Variants in CYP39A1 observed in about 807,000 individuals in gnomAD.
The protein encoded by CYP39A1 is 24-hydroxycholesterol 7-alpha-hydroxylase.
Under a neutral mutation model 58.1 loss-of-function variants are expected in CYP39A1, and 49 were observed. The observed-to-expected ratio is 0.84, with a 90% confidence interval of 0.67 to 1.07. The LOEUF is 1.07. Among genes scored for constraint, CYP39A1 ranks in the 50% least tolerant of loss-of-function variants. CYP39A1 has a pLI of 0.00. For missense variants in CYP39A1, 531 were observed against 539.4 expected, an observed-to-expected ratio of 0.98 and a Z score of 0.16; for synonymous variants, 209 against 187.6, an observed-to-expected ratio of 1.11 and a Z score of -0.93.
chr6:46,630,448 G>A (rs964322757), intron 6 of CYP39A1, among the ~76,000 whole-genome samples: 2 of 151,942 alleles, frequency 1.3e-5, no homozygotes, highest in Non-Finnish European at 2.9e-5. Context: ...CCCTTATTAG[G>A]TAAAATAGTA....
At chr6:46,568,328 T>C (rs1771403609) in intron 10 of CYP39A1, among the ~76,000 whole-genome samples, 1 of 152,134 alleles carries the variant, frequency 6.6e-6, no homozygotes, top group Non-Finnish European at 1.5e-5. Flanking sequence ...AATTTGCAAA[T>C]ATTTTATCCC....
intron 7 of CYP39A1, among the ~76,000 whole-genome samples, chr6:46,608,527 CT>C (rs1773984872): frequency 6.6e-6 from 1 of 151,946 alleles, no homozygotes; most frequent in Non-Finnish European, 1.5e-5. Flanking sequence ...AATTATATAT[CT>C]ATTTTTTAAT....
intron 10 of CYP39A1, among the ~76,000 whole-genome samples, chr6:46,572,183 G>A (rs1056390818): frequency 3.3e-5 from 4 of 121,092 alleles, no homozygotes; most frequent in East Asian, 4.2e-4. Context: ...TTTTTTTCGG[G>A]AGTTAAAAAC....
chr6:46,594,974 C>CA (rs1056371965), intron 8 of CYP39A1, among the ~76,000 whole-genome samples: 8 of 151,006 alleles, frequency 5.3e-5, no homozygotes, highest in Non-Finnish European at 7.4e-5. Flanking sequence ...AAAACAAAAA[C>CA]AAAAAAAATG....
At chr6:46,583,081 T>A (rs570754815) in intron 10 of CYP39A1, 1 of 985,240 alleles carries the variant, frequency 1.0e-6, no homozygotes, top group Admixed American at 6.2e-5. Flanking sequence ...CTAGAATACA[T>A]GAAAGACCCA....
At chr6:46,586,679 C>G (rs1328852579) in intron 10 of CYP39A1, among the ~76,000 whole-genome samples, 1 of 152,094 alleles carries the variant, frequency 6.6e-6, no homozygotes, top group Non-Finnish European at 1.5e-5. Flanking sequence ...GCCTGCTATG[C>G]TCCAAGCCAA....
chr6:46,596,162 G>C, intron 7 of CYP39A1, 42 bp from the exon 8 acceptor site: 1 of 1,497,364 alleles, frequency 6.7e-7, no homozygotes, highest in Non-Finnish European at 9.1e-7. Context: ...GACTACAGAG[G>C]TCAGAAAGTG....
chr6:46,637,929 A>T lies in CYP39A1; in HGVS notation c.538T>A (p.Phe180Ile). The part of the protein sequence containing the change: ...TVNMLFNKSL[F>I]STNKKKIKEF... ...TTGATTTTTTTCTTGTTTGTGGAAA[A>T]CAAACTTTTATTAAAGAGCATATTC... The change falls in exon 4 of 12, where the codon TTT becomes ATT. Residue 180 changes from phenylalanine (F) to isoleucine (I), a missense_variant. Coordinates refer to ENST00000275016, the MANE Select transcript of CYP39A1 (RefSeq NM_016593.5). 1 of 1,613,242 alleles carries T rather than the reference A, an allele frequency of 6.2e-7. No individual in the cohort carries two copies. The highest frequency in any genetic ancestry group is 8.5e-7 in the Non-Finnish European group (1 of 1,179,814).
At chr6:46,616,485 G>A (rs1196570937) in intron 7 of CYP39A1, among the ~76,000 whole-genome samples, 1 of 151,586 alleles carries the variant, frequency 6.6e-6, no homozygotes, top group African/African-American at 2.4e-5. Context: ...AATGCATCAA[G>A]CAATCCCAAA....
chr6:46,564,776 G>A (rs1308090350), intron 10 of CYP39A1, among the ~76,000 whole-genome samples: 1 of 152,132 alleles, frequency 6.6e-6, no homozygotes. Flanking sequence ...AGCTATCACT[G>A]TTGCCAGGAG....
intron 7 of CYP39A1, among the ~76,000 whole-genome samples, chr6:46,624,408 T>C (rs1775173119): frequency 6.6e-6 from 1 of 152,186 alleles, no homozygotes; most frequent in African/African-American, 2.4e-5. Flanking sequence ...GAATCTAACC[T>C]GTTAGCATTG....
At chr6:46,591,976 C>A (rs1228568582) in intron 8 of CYP39A1, among the ~76,000 whole-genome samples, 1 of 152,126 alleles carries the variant, frequency 6.6e-6, no homozygotes, top group East Asian at 1.9e-4. Context: ...CTCAATTACT[C>A]ATCTTTTCCA....
chr6:46,567,484 T>A (rs1026965392), intron 10 of CYP39A1, among the ~76,000 whole-genome samples: 6 of 152,112 alleles, frequency 3.9e-5, no homozygotes, highest in Non-Finnish European at 5.9e-5. Flanking sequence ...TGGATATATA[T>A]CCAGAAGTGG....
chr6:46,595,986 C>A lies in CYP39A1; in HGVS notation c.1065+1G>T, dbSNP rs1414271978. On this transcript the variant is annotated splice_donor_variant, in intron 8 of 11. Coordinates refer to ENST00000275016, the MANE Select transcript of CYP39A1 (RefSeq NM_016593.5). LOFTEE classifies it high-confidence loss of function. ...TCATTTAAAACCAAACCAAAGCTTACCAAAATTTCCACAGGCTTCACCACT... is the reference window on the plus strand; with the variant it reads ...TCATTTAAAACCAAACCAAAGCTTAACAAAATTTCCACAGGCTTCACCACT... 1.9e-6 allele frequency: 3 copies of A among 1,606,796 alleles called. No individual in the cohort carries two copies. In the South Asian group the frequency reaches 3.4e-5, roughly 18 times the overall value.
At chr6:46,578,453 C>T (rs999262840) in intron 10 of CYP39A1, among the ~76,000 whole-genome samples, 2 of 151,288 alleles carry the variant, frequency 1.3e-5, no homozygotes, top group African/African-American at 2.4e-5. Flanking sequence ...ATGCAAAAAT[C>T]GAGACGCAAA....
chr6:46,642,529 A>C (rs964944187), intron 1 of CYP39A1, among the ~76,000 whole-genome samples: 2 of 152,094 alleles, frequency 1.3e-5, no homozygotes, highest in Non-Finnish European at 2.9e-5. Flanking sequence ...TTGCCTATTT[A>C]TAGCTTCTTT....
At chr6:46,576,284 A>G (rs1771840546) in intron 10 of CYP39A1, among the ~76,000 whole-genome samples, 1 of 152,206 alleles carries the variant, frequency 6.6e-6, no homozygotes, top group African/African-American at 2.4e-5. Flanking sequence ...AAGGATTCCA[A>G]TTCAATATGA....
intron 10 of CYP39A1, among the ~76,000 whole-genome samples, chr6:46,562,305 G>A (rs187019290): frequency 3.7e-4 from 57 of 152,126 alleles, no homozygotes; most frequent in African/African-American, 1.3e-3. Context: ...TTATAGGCAT[G>A]AGCCACTGTG....
intron 10 of CYP39A1, chr6:46,582,927 C>G (rs1171924673): frequency 3.4e-6 from 1 of 289,948 alleles, no homozygotes; most frequent in Non-Finnish European, 5.1e-6. Context: ...TGTATTAATA[C>G]TAGATGCTCA....
Sources: gnomAD v4.1 joint callset for allele counts (sites outside exome capture counted in the v4.1 genomes callset) on GRCh38, gnomAD v4.1.1 for gene constraint, MANE v1.5 for transcripts, NCBI Gene and HGNC (gene_info 2026-07-23, HGNC 2026-07-21) for gene names.